SKIL: variants seen among roughly 807,000 people sequenced by gnomAD.
The protein encoded by SKIL is SKI like proto-oncogene.
SKIL carries 20 observed loss-of-function variants against 69.6 expected under a neutral mutation model. That is an observed-to-expected ratio of 0.29 (90% CI 0.20 to 0.42). The LOEUF (loss-of-function observed/expected upper bound fraction) is 0.42, where lower values mean the gene tolerates loss of function less well. Among genes scored for constraint, SKIL ranks in the 10% least tolerant of loss-of-function variants. The pLI, the probability that SKIL is intolerant of heterozygous loss-of-function variation, is 1.00. For missense variants in SKIL, 745 were observed against 783.1 expected (o/e 0.95, Z 0.58); for synonymous variants, 310 against 279.9 (o/e 1.11, Z -1.08).
chr3:170,372,073 G>A (rs775476192), intron 2 of SKIL, among the ~76,000 whole-genome samples: 9 of 152,188 alleles, frequency 5.9e-5, no homozygotes, highest in Non-Finnish European at 1.3e-4. Flanking sequence ...AAAATAATGT[G>A]TATGACACTG....
Position 170,360,648 on chromosome 3 carries a change from C to T in SKIL, c.317C>T (p.Ala106Val). 1 of 1,614,186 alleles carries T rather than the reference C, an allele frequency of 6.2e-7. No homozygotes were observed. Among genetic ancestry groups the T allele is most frequent in the Non-Finnish European group, 8.5e-7 (1 of 1,180,018 alleles). The change falls in exon 2 of 7, where the codon GCA becomes GTA. Residue 106 changes from alanine to valine, a missense_variant. Coordinates refer to ENST00000259119, the MANE Select transcript of SKIL (RefSeq NM_005414.5). Reference sequence around the variant, plus strand: ...CAGAGCTCGCTGGGTGGACCAGCAGCATTTTCTGCTCGGCATTCCCAAGAA... The same window carrying T: ...CAGAGCTCGCTGGGTGGACCAGCAGTATTTTCTGCTCGGCATTCCCAAGAA... Reference protein sequence around the residue: ...SSQSSLGGPAAFSARHSQESM... With the variant: ...SSQSSLGGPAVFSARHSQESM...
intron 2 of SKIL, among the ~76,000 whole-genome samples, chr3:170,378,885 T>TTTA (rs1560215352): frequency 9.0e-5 from 13 of 145,170 alleles, no homozygotes; most frequent in South Asian, 4.2e-4. Context: ...TTATTTATTT[T>TTTA]TTTTATCTTG....
chr3:170,372,895 A>G (rs17289563), intron 2 of SKIL, among the ~76,000 whole-genome samples: 2,633 of 152,318 alleles, frequency 0.017, 55 homozygotes, highest in East Asian at 0.094. Flanking sequence ...TTACCAACCT[A>G]CACTACTGCT....
intron 2 of SKIL, among the ~76,000 whole-genome samples, chr3:170,380,510 G>A (rs1383949815): frequency 3.3e-5 from 5 of 152,022 alleles, no homozygotes; most frequent in Admixed American, 2.0e-4. Context: ...TGGGTGTGGT[G>A]GTGGGTGCCT....
rs1205281153 is a variant in SKIL at position 170,361,236 on chromosome 3, C to A, written c.905C>A (p.Thr302Lys). Residue 302 changes from threonine to lysine, a missense_variant, in exon 2 of 7, where the codon ACG becomes AAG. Coordinates refer to ENST00000259119, the MANE Select transcript of SKIL (RefSeq NM_005414.5). ...LECCGMFAPQ[T>K]FVMHSHRSPD... The stretch of plus-strand genomic sequence containing the variant: ...TGTTGTGGAATGTTTGCACCCCAGA[C>A]GTTTGTGATGCATTCTCACAGATCA... The A allele has an allele frequency of 6.2e-7, 1 of 1,614,144 alleles. No homozygotes were observed. Among genetic ancestry groups the A allele is most frequent in the Non-Finnish European group, 8.5e-7 (1 of 1,180,018 alleles).
intron 4 of SKIL, among the ~76,000 whole-genome samples, chr3:170,387,011 G>A (rs1479803843): frequency 6.6e-6 from 1 of 151,726 alleles, no homozygotes; most frequent in Non-Finnish European, 1.5e-5. Flanking sequence ...GTTCCATAAT[G>A]TTTTCTTTTC....
At chr3:170,359,608 A>AT (rs923540269) in intron 1 of SKIL, 91 bp from the exon 2 acceptor site, 4 of 151,724 alleles carry the variant, frequency 2.6e-5, no homozygotes, top group Non-Finnish European at 4.4e-5. Flanking sequence ...GAAAAAAAAA[A>AT]AAATAAAAGA....
At chr3:170,377,244 CTTT>C (rs35211247) in intron 2 of SKIL, among the ~76,000 whole-genome samples, 1 of 145,058 alleles carries the variant, frequency 6.9e-6, no homozygotes. Context: ...TTCTGTTTTC[CTTT>C]TTTTTTTTGA....
chr3:170,371,353 A>T (rs1031753061), intron 2 of SKIL, among the ~76,000 whole-genome samples: 11 of 152,074 alleles, frequency 7.2e-5, no homozygotes, highest in South Asian at 2.1e-4. Context: ...ATAATAATAA[A>T]AAAAATAGCT....
intron 2 of SKIL, among the ~76,000 whole-genome samples, chr3:170,369,412 T>C (rs1192867656): frequency 6.6e-6 from 1 of 152,174 alleles, no homozygotes; most frequent in African/African-American, 2.4e-5. Flanking sequence ...GGGCTAATTT[T>C]TTTTTTGATA....
chr3:170,365,839 T>G (rs1459558266), intron 2 of SKIL, among the ~76,000 whole-genome samples: 3 of 145,534 alleles, frequency 2.1e-5, no homozygotes, highest in Non-Finnish European at 4.5e-5. Flanking sequence ...CACTGCAACC[T>G]CCGCCTCCTG....
intron 2 of SKIL, among the ~76,000 whole-genome samples, chr3:170,380,285 G>T (rs1013746508): frequency 6.6e-6 from 1 of 152,160 alleles, no homozygotes; most frequent in Admixed American, 6.5e-5. Context: ...TAGTCTAGCC[G>T]ATTGTAGTAC....
rs1287602428 is a variant in SKIL at position 170,361,599 on chromosome 3, T to G, written c.1098+170T>G. 2.6e-5 allele frequency among the ~76,000 whole-genome samples: 4 copies of G among 152,260 alleles called. No homozygotes were observed. In the East Asian group the frequency reaches 5.8e-4, roughly 22 times the overall value. ...TTTTAGGCCATAAAGTGCTTTGCAG[T>G]ATGTTTCCTCATTTGACTTTCCAAA... is the stretch of plus-strand genomic sequence containing the variant. On this transcript the variant is annotated intron_variant, in intron 2 of 6. Coordinates refer to ENST00000259119, the MANE Select transcript of SKIL (RefSeq NM_005414.5).
chr3:170,390,899 T>TTA, intron 5 of SKIL, 137 bp from the exon 6 acceptor site: 1 of 515,736 alleles, frequency 1.9e-6, no homozygotes, highest in Non-Finnish European at 3.5e-6. Flanking sequence ...AAATAGTTTT[T>TTA]TAAAATAATT....
intron 4 of SKIL, among the ~76,000 whole-genome samples, chr3:170,386,952 G>A (rs1737662756): frequency 2.0e-5 from 3 of 152,024 alleles, no homozygotes; most frequent in South Asian, 4.1e-4. Context: ...CTACAATTCA[G>A]TGGTTTTTAA....
intron 4 of SKIL, among the ~76,000 whole-genome samples, chr3:170,386,225 G>T (rs11720323): frequency 6.6e-6 from 1 of 150,866 alleles, no homozygotes; most frequent in Admixed American, 6.6e-5. Flanking sequence ...CCGCCTCCCA[G>T]GTTCAAGTGA....
chr3:170,360,808 T>G lies in SKIL; in HGVS notation c.477T>G (p.Val159=). 1 of 1,614,206 alleles carries G rather than the reference T, an allele frequency of 6.2e-7. No homozygotes were observed. Among genetic ancestry groups the G allele is most frequent in the Non-Finnish European group, 8.5e-7 (1 of 1,180,028 alleles). ...GGGAATCTATTTCTTGTTTTCAAGT[T>G]GGAGGAGAAAAGAGACTCTGTTTGC... ...LEGESISCFQ[V]GGEKRLCLPQ... is the part of the protein sequence containing the mutation. Residue 159 remains valine, a synonymous_variant, in exon 2 of 7, where the codon GTT becomes GTG. Coordinates refer to ENST00000259119, the MANE Select transcript of SKIL (RefSeq NM_005414.5).
At chr3:170,372,498 A>G (rs990878909) in intron 2 of SKIL, among the ~76,000 whole-genome samples, 5 of 152,222 alleles carry the variant, frequency 3.3e-5, no homozygotes, top group African/African-American at 4.8e-5. Context: ...GCCCAAGACT[A>G]AGCCTTGAAA....
chr3:170,379,888 C>T (rs1255028874), intron 2 of SKIL, among the ~76,000 whole-genome samples: 1 of 152,152 alleles, frequency 6.6e-6, no homozygotes, highest in East Asian at 1.9e-4. Context: ...AGGTGATCCA[C>T]CCACCTCGGC....
Sources: allele counts gnomAD v4.1 joint callset (sites outside exome capture counted in the v4.1 genomes callset), GRCh38; gene constraint gnomAD v4.1.1; transcripts MANE v1.5; gene names NCBI Gene and HGNC (gene_info 2026-07-23, HGNC 2026-07-21).